Variants in VAMP7 observed in about 807,000 individuals in gnomAD.
The protein encoded by VAMP7 is vesicle-associated membrane protein 7.
A neutral mutation model predicts 29.6 loss-of-function variants in VAMP7; 14 were observed. The ratio of observed to expected loss-of-function variants is 0.47; its 90% CI spans 0.31 to 0.74. VAMP7 has a LOEUF of 0.74. Among genes scored for constraint, VAMP7 ranks in the 30% least tolerant of loss-of-function variants. The pLI, the probability that VAMP7 is intolerant of heterozygous loss-of-function variation, is 0.05. For missense variants in VAMP7, 223 were observed against 262.4 expected, an observed-to-expected ratio of 0.85 and a Z score of 1.04; for synonymous variants, 95 against 88.1, an observed-to-expected ratio of 1.08 and a Z score of -0.44.
At chrX:155,918,092 A>G (rs1161099877) in intron 5 of VAMP7, among the ~76,000 whole-genome samples, 1 of 151,790 alleles carries the variant, frequency 6.6e-6, no homozygotes, top group African/African-American at 2.4e-5. Flanking sequence ...CTTCCTGGCC[A>G]CTCTGTTTAC....
At position 155,898,145 on chromosome X, in the gene VAMP7, A is replaced by T; in HGVS notation, c.238A>T (p.Asn80Tyr). The T allele has an allele frequency of 6.2e-7, 1 of 1,613,466 alleles. No individual in the cohort carries two copies. Among genetic ancestry groups the T allele is most frequent in the Middle Eastern group, 1.7e-4 (1 of 6,054 alleles). ...FERSRAFNFL[N>Y]EIKKRFQTTY... ...ACGTTCCCGAGCCTTTAATTTTCTG[A>T]ATGAGATAAAGAAGAGGTTCCAGAC... The change falls in exon 4 of 8, where the codon AAT (asparagine) becomes TAT (tyrosine). Residue 80 changes from asparagine (N) to tyrosine (Y), a missense_variant. Physicochemically the swap from Asn to Tyr is moderately radical, Grantham distance 143 (BLOSUM62 -2). Coordinates refer to ENST00000286448, the MANE Select transcript of VAMP7 (RefSeq NM_005638.6).
chrX:155,899,312 G>GC (rs2066028330), intron 4 of VAMP7, among the ~76,000 whole-genome samples: 1 of 151,754 alleles, frequency 6.6e-6, no homozygotes, highest in African/African-American at 2.4e-5. Flanking sequence ...CTTAAGTTTT[G>GC]CCATTCCAGT....
rs767439159 is a variant in VAMP7 at position 155,903,050 on chromosome X, T to C, written c.433+2463T>C. 2.0e-5 allele frequency among the ~76,000 whole-genome samples: 3 copies of C among 152,122 alleles called. No homozygotes were observed. The East Asian group carries it at 5.8e-4, about 29-fold the overall frequency. ...TGATTATTGCCACAATTTCAGAGCC[T>C]GTTATTGGTCTATTCAGAGATTCAA... On this transcript the variant is annotated intron_variant, in intron 5 of 7. Coordinates refer to ENST00000286448, the MANE Select transcript of VAMP7 (RefSeq NM_005638.6).
chrX:155,940,383 G>C (rs1242128694), intron 7 of VAMP7, among the ~76,000 whole-genome samples: 1 of 152,138 alleles, frequency 6.6e-6, no homozygotes, highest in South Asian at 2.1e-4. Flanking sequence ...CTCTACCACA[G>C]CTTGAGGGTC....
intron 5 of VAMP7, among the ~76,000 whole-genome samples, chrX:155,902,729 A>G (rs1176458982): frequency 6.6e-6 from 1 of 151,688 alleles, no homozygotes; most frequent in South Asian, 2.1e-4. Context: ...CCACTTGATC[A>G]TGGTGGATAA....
At chrX:155,887,096 C>A (rs2065874195) in intron 1 of VAMP7, among the ~76,000 whole-genome samples, 1 of 152,210 alleles carries the variant, frequency 6.6e-6, no homozygotes, top group African/African-American at 2.4e-5. Context: ...AGTCTTCATT[C>A]TCTTTCTTTC....
intron 6 of VAMP7, among the ~76,000 whole-genome samples, chrX:155,937,872 G>A (rs1051560024): frequency 6.6e-6 from 1 of 152,066 alleles, no homozygotes; most frequent in Non-Finnish European, 1.5e-5. Flanking sequence ...TGCTTGATCA[G>A]TTTTCCGTGT....
chrX:155,929,402 ATGGT>A (rs1269952647), intron 6 of VAMP7, among the ~76,000 whole-genome samples: 2 of 152,190 alleles, frequency 1.3e-5, no homozygotes, highest in African/African-American at 4.8e-5. Context: ...CATGAAGATA[ATGGT>A]TGAGGCAGCT....
chrX:155,935,030 C>G (rs1459960133), intron 6 of VAMP7, among the ~76,000 whole-genome samples: 1 of 152,128 alleles, frequency 6.6e-6, no homozygotes, highest in Non-Finnish European at 1.5e-5. Context: ...ATATTGGCCC[C>G]CACTCTCTTC....
At chrX:155,900,324 A>G (rs1039265211) in intron 4 of VAMP7, among the ~76,000 whole-genome samples, 173 bp from the exon 5 acceptor site, 2 of 151,888 alleles carry the variant, frequency 1.3e-5, no homozygotes, top group South Asian at 2.1e-4. Context: ...TATGCTGCCC[A>G]TATTTTTTCC....
At chrX:155,912,736 A>G (rs4421520) in intron 5 of VAMP7, among the ~76,000 whole-genome samples, 98,409 of 151,970 alleles carry the variant, frequency 0.65, 32,330 homozygotes, top group African/African-American at 0.77. Flanking sequence ...TATATGTGCC[A>G]CATTTTCTTT....
chrX:155,903,763 G>C (rs188010965), intron 5 of VAMP7, among the ~76,000 whole-genome samples: 401 of 152,280 alleles, frequency 2.6e-3, no homozygotes, highest in African/African-American at 9.2e-3. Context: ...TGGTCGGACT[G>C]TAAACTAGTT....
rs186974426 is a variant in VAMP7, at chrX:155,911,435, T to C, written c.434-8378T>C. On this transcript the variant is annotated intron_variant, in intron 5 of 7. Coordinates refer to ENST00000286448, the MANE Select transcript of VAMP7 (RefSeq NM_005638.6). ...AGGATTGCTTTGGCTATTTGGACTC[T>C]TTTTTGGTTCCTGAAATACTAATTT... Among the ~76,000 whole-genome samples the C allele has an allele frequency of 2.1e-4, 32 of 152,276 alleles. No individual in the cohort carries two copies. In the East Asian group the frequency reaches 6.2e-3, roughly 29 times the overall value.
intron 6 of VAMP7, among the ~76,000 whole-genome samples, chrX:155,931,709 TA>T (rs1311292641): frequency 6.6e-4 from 100 of 152,312 alleles, no homozygotes; most frequent in Admixed American, 1.1e-3. Context: ...AGAAGCTCCT[TA>T]ATTAGATCCC....
chrX:155,921,144 A>G (rs1474839857), intron 6 of VAMP7, among the ~76,000 whole-genome samples: 3 of 152,134 alleles, frequency 2.0e-5, no homozygotes, highest in Non-Finnish European at 4.4e-5. Flanking sequence ...TCTTTGACCA[A>G]TAGTAGTATG....
At chrX:155,933,801 A>G (rs1481381121) in intron 6 of VAMP7, among the ~76,000 whole-genome samples, 3 of 152,024 alleles carry the variant, frequency 2.0e-5, no homozygotes, top group East Asian at 1.9e-4. Context: ...TAGGGTGTCA[A>G]TTTTATATCT....
chrX:155,895,416 T>C (rs1420608903), intron 2 of VAMP7, among the ~76,000 whole-genome samples: 2 of 152,176 alleles, frequency 1.3e-5, no homozygotes. Context: ...GTAGCTAGAA[T>C]AGAGATCTTT....
intron 6 of VAMP7, 82 bp downstream of exon 6, chrX:155,919,962 T>A: frequency 8.9e-7 from 1 of 1,126,276 alleles, no homozygotes; most frequent in Non-Finnish European, 1.3e-6. Flanking sequence ...GGGAAATACC[T>A]TAAATTCAAA....
chrX:155,894,660 G>A, intron 2 of VAMP7, among the ~76,000 whole-genome samples: 1 of 151,950 alleles, frequency 6.6e-6, no homozygotes, highest in East Asian at 1.9e-4. Context: ...TTGTTACCCA[G>A]GCTGGAGTGC....
Sources: allele counts gnomAD v4.1 joint callset (sites outside exome capture counted in the v4.1 genomes callset), GRCh38; gene constraint gnomAD v4.1.1; transcripts MANE v1.5; gene names NCBI Gene and HGNC (gene_info 2026-07-23, HGNC 2026-07-21).